Variants in TRIO observed in about 807,000 individuals in gnomAD.
The protein encoded by TRIO is trio Rho guanine nucleotide exchange factor, also known as triple functional domain protein.
Under a neutral mutation model 351.9 loss-of-function variants are expected in TRIO, and 58 were observed. That is an observed-to-expected ratio of 0.16 (90% CI 0.13 to 0.21). TRIO has a LOEUF of 0.21. TRIO is among the 10% of genes least tolerant of loss of function. The pLI is 1.00. For synonymous variants in TRIO, 1,758 were observed against 1,595.7 expected (o/e 1.10, Z -2.42); for missense variants, 3,201 against 4,027.8 (o/e 0.79, Z 5.56).
rs553582111 is a variant in TRIO, at chr5:14,253,722, C to G, written c.158-17103C>G. Among the ~76,000 whole-genome samples the G allele has an allele frequency of 2.0e-5, 3 of 152,300 alleles. No homozygotes were observed. The South Asian group carries it at 6.2e-4, about 32-fold the overall frequency. On this transcript the variant is annotated intron_variant, in intron 1 of 56. Transcript: ENST00000344204. ...TTCTCAAAGTGTGGTCCCAGGGACC[C>G]CTTGGGTTCCCTAAGACCTTTGTAG...
At chr5:14,274,946 A>T (rs1456646929) in intron 2 of TRIO, among the ~76,000 whole-genome samples, 2 of 152,148 alleles carry the variant, frequency 1.3e-5, no homozygotes, top group African/African-American at 4.8e-5. Flanking sequence ...TTCTCTAAAG[A>T]GCCCTGGTTC....
chr5:14,349,532 C>T (rs1241022640), intron 11 of TRIO, among the ~76,000 whole-genome samples: 2 of 152,180 alleles, frequency 1.3e-5, no homozygotes, highest in African/African-American at 4.8e-5. Context: ...CTGTGCTCTT[C>T]CCTTAGGAAT....
In TRIO at chr5:14,143,648, C is replaced by G. The variant is rs1267821882; in HGVS notation, c.-78C>G. ...CAGCTGGGTGCTCGGCGCCGCCAGG[C>G]CCGGCGCGGAGCGGGCGGCACGCGG... On this transcript the variant is annotated 5_prime_UTR_variant, in exon 1 of 57. Transcript: ENST00000344204. 4 of 681,454 alleles carry G rather than the reference C, an allele frequency of 5.9e-6. No individual in the cohort carries two copies. The highest frequency in any genetic ancestry group is 7.2e-6 in the Non-Finnish European group (4 of 555,894). 42.2% of individuals were successfully genotyped at this position (681,454 alleles called of 1,614,324 possible).
Position 14,471,508 on chromosome 5 carries a change from C to T in TRIO, c.5912+42C>T, listed in dbSNP as rs370095979. ...TTCATTCTTATTGTTCTCTGGGTTC[C>T]GTCCTGTCTTTGTTGCCTTCAAAAA... On this transcript the variant is annotated intron_variant, in intron 38 of 56. Coordinates refer to ENST00000344204, the MANE Select transcript of TRIO (RefSeq NM_007118.4). 3.8e-5 allele frequency: 61 copies of T among 1,607,528 alleles called. No individual in the cohort carries two copies. The South Asian group carries it at 4.6e-4, about 12-fold the overall frequency.
At chr5:14,315,275 G>A (rs1345109217) in intron 8 of TRIO, among the ~76,000 whole-genome samples, 1 of 148,200 alleles carries the variant, frequency 6.7e-6, no homozygotes, top group African/African-American at 2.5e-5. Context: ...TTTTGAGATG[G>A]AGTCTCACTC....
intron 9 of TRIO, among the ~76,000 whole-genome samples, chr5:14,325,285 T>C (rs1740265058): frequency 6.6e-6 from 1 of 152,220 alleles, no homozygotes; most frequent in Admixed American, 6.5e-5. Flanking sequence ...TCTGGGTAAT[T>C]TCTAAAGAAA....
chr5:14,261,689 G>C (rs912361261), intron 1 of TRIO, among the ~76,000 whole-genome samples: 1 of 152,208 alleles, frequency 6.6e-6, no homozygotes, highest in Non-Finnish European at 1.5e-5. Flanking sequence ...GAAGGCTTGC[G>C]TTTCCTTTGG....
Position 14,218,915 on chromosome 5 carries a change from G to A in TRIO, c.158-51910G>A, listed in dbSNP as rs548331591. On this transcript the variant is annotated intron_variant, in intron 1 of 56. Transcript: ENST00000344204. ...GGATCCCTGTGCCGCTGGCAGTGCC[G>A]GCAGCAACCCTTCTCCGGCTCTTAC... Among the ~76,000 whole-genome samples, 30 of 152,320 alleles carry A rather than the reference G, an allele frequency of 2.0e-4. No individual in the cohort carries two copies. The East Asian group carries it at 4.0e-3, about 21-fold the overall frequency.
chr5:14,206,556 A>G (rs74438177), intron 1 of TRIO, among the ~76,000 whole-genome samples: 72 of 152,336 alleles, frequency 4.7e-4, no homozygotes, highest in African/African-American at 1.7e-3. Flanking sequence ...AGGTCCCAGC[A>G]GCCTCTTTCT....
At chr5:14,281,860 G>A (rs1375684558) in intron 3 of TRIO, among the ~76,000 whole-genome samples, 1 of 152,194 alleles carries the variant, frequency 6.6e-6, no homozygotes, top group Non-Finnish European at 1.5e-5. Flanking sequence ...AGAGAATGAT[G>A]TAAGATGGTA....
chr5:14,447,999 A>G (rs1319931624), intron 34 of TRIO, among the ~76,000 whole-genome samples: 1 of 152,232 alleles, frequency 6.6e-6, no homozygotes, highest in African/African-American at 2.4e-5. Context: ...TTGCCTTGGG[A>G]ATAACTTCCC....
intron 10 of TRIO, among the ~76,000 whole-genome samples, chr5:14,334,288 C>G (rs1198544497): frequency 6.6e-6 from 1 of 152,142 alleles, no homozygotes; most frequent in Admixed American, 6.5e-5. Flanking sequence ...CCCGGGAAAA[C>G]CTGGCCAGGG....
At chr5:14,155,424 A>G (rs1404164072) in intron 1 of TRIO, among the ~76,000 whole-genome samples, 6 of 152,240 alleles carry the variant, frequency 3.9e-5, no homozygotes, top group Admixed American at 6.5e-5. Flanking sequence ...CTAAATCACT[A>G]ACTTTAACAC....
chr5:14,242,735 C>A (rs894188539), intron 1 of TRIO, among the ~76,000 whole-genome samples: 3 of 152,146 alleles, frequency 2.0e-5, no homozygotes, highest in East Asian at 1.9e-4. Flanking sequence ...ACCATGCCTG[C>A]CTAATCTTTT....
intron 10 of TRIO, among the ~76,000 whole-genome samples, chr5:14,331,116 CAG>C (rs1482231801): frequency 1.3e-5 from 2 of 152,232 alleles, no homozygotes; most frequent in African/African-American, 2.4e-5. Flanking sequence ...GTTCTTGGAA[CAG>C]AAATGTGACT....
chr5:14,426,026 G>A (rs569853177), intron 34 of TRIO, among the ~76,000 whole-genome samples: 1 of 152,304 alleles, frequency 6.6e-6, no homozygotes, highest in African/African-American at 2.4e-5. Context: ...TATATTTCAA[G>A]TATGTTCTCT....
chr5:14,315,948 AT>A (rs977899006), intron 8 of TRIO, among the ~76,000 whole-genome samples: 15 of 152,312 alleles, frequency 9.8e-5, no homozygotes, highest in Middle Eastern at 3.4e-3. Context: ...GGCATTTTAA[AT>A]TTTCTTTTGT....
chr5:14,218,853 A>G (rs1328885159), intron 1 of TRIO, among the ~76,000 whole-genome samples: 2 of 152,248 alleles, frequency 1.3e-5, no homozygotes, highest in Non-Finnish European at 2.9e-5. Flanking sequence ...TTCCAATAGC[A>G]GTAAACTCCT....
At chr5:14,207,921 A>G (rs80157847) in intron 1 of TRIO, among the ~76,000 whole-genome samples, 1 of 152,350 alleles carries the variant, frequency 6.6e-6, no homozygotes, top group African/African-American at 2.4e-5. Context: ...AAGATGTTCA[A>G]TATCATTAGT....
Sources: gnomAD v4.1 joint callset for allele counts (sites outside exome capture counted in the v4.1 genomes callset) on GRCh38, gnomAD v4.1.1 for gene constraint, MANE v1.5 for transcripts, NCBI Gene and HGNC (gene_info 2026-07-23, HGNC 2026-07-21) for gene names.